Variants in PRELID2 observed in about 807,000 individuals in gnomAD.
The protein encoded by PRELID2 is PRELI domain-containing protein 2.
A neutral mutation model predicts 28.4 loss-of-function variants in PRELID2; 25 were observed. The observed-to-expected ratio is 0.88, with a 90% CI of 0.64 to 1.23. The LOEUF is 1.23. Ranked by LOEUF, PRELID2 falls within the 50% of genes most tolerant of loss-of-function variation. The pLI is 0.00. For synonymous variants in PRELID2, 76 were observed against 71.6 expected (o/e 1.06, Z -0.31); for missense variants, 201 against 214.4 (o/e 0.94, Z 0.39).
At chr5:145,417,036 G>C in the PRELID2 span, among the ~76,000 whole-genome samples, 5 of 151,852 alleles carry the variant, frequency 3.3e-5, no homozygotes, top group Non-Finnish European at 7.4e-5. Flanking sequence ...AAGAAGAGAA[G>C]AGATAAATAG....
chr5:145,543,212 C>G (rs1429758419), intron 1 of PRELID2, among the ~76,000 whole-genome samples: 1 of 152,110 alleles, frequency 6.6e-6, no homozygotes, highest in Non-Finnish European at 1.5e-5. Flanking sequence ...CTAGGATGTA[C>G]TCTCCATGAG....
the PRELID2 span, among the ~76,000 whole-genome samples, chr5:145,323,605 C>T: frequency 6.6e-6 from 1 of 152,162 alleles, no homozygotes; most frequent in South Asian, 2.1e-4. Context: ...TTTCAATCAT[C>T]ATCCTCCTTG....
At chr5:145,373,249 T>G in the PRELID2 span, among the ~76,000 whole-genome samples, 1 of 86,858 alleles carries the variant, frequency 1.2e-5, no homozygotes, top group Non-Finnish European at 2.0e-5. Context: ...ATATATATGA[T>G]ATATATTACA....
At chr5:145,737,265 C>T (rs951525949) in intron 1 of PRELID2, among the ~76,000 whole-genome samples, 1 of 151,898 alleles carries the variant, frequency 6.6e-6, no homozygotes, top group African/African-American at 2.4e-5. Context: ...TAACAGGGGA[C>T]CCAGACTCGT....
intron 1 of PRELID2, among the ~76,000 whole-genome samples, chr5:145,741,959 T>A (rs1756808023): frequency 1.5e-4 from 1 of 6,552 alleles, no homozygotes; most frequent in Non-Finnish European, 8.9e-4. Flanking sequence ...TTATTATAAT[T>A]AAATAAATAA....
intron 1 of PRELID2, among the ~76,000 whole-genome samples, chr5:145,715,614 T>G (rs1039456136): frequency 7.2e-5 from 11 of 152,178 alleles, no homozygotes; most frequent in African/African-American, 2.7e-4. Flanking sequence ...GCCTGTCTTC[T>G]TCTCTGACCT....
intron 1 of PRELID2, among the ~76,000 whole-genome samples, chr5:145,645,187 A>G (rs1415597533): frequency 6.6e-6 from 1 of 152,004 alleles, no homozygotes; most frequent in Non-Finnish European, 1.5e-5. Context: ...TGCTTTATGA[A>G]TCTGGGTGCA....
At chr5:145,810,634 T>A (rs187812566) in intron 4 of PRELID2, among the ~76,000 whole-genome samples, 82 of 152,332 alleles carry the variant, frequency 5.4e-4, no homozygotes, top group Non-Finnish European at 8.4e-4. Flanking sequence ...AAATACATTC[T>A]GAGAATTAGA....
chr5:145,247,555 C>G, the PRELID2 span, among the ~76,000 whole-genome samples: 2 of 152,226 alleles, frequency 1.3e-5, no homozygotes, highest in South Asian at 2.1e-4. Flanking sequence ...CTACATTACT[C>G]AAAGGTTGCT....
the PRELID2 span, among the ~76,000 whole-genome samples, chr5:145,350,646 G>A: frequency 6.6e-6 from 1 of 152,034 alleles, no homozygotes; most frequent in Non-Finnish European, 1.5e-5. Context: ...AAATATACAT[G>A]TCCACAGGTA....
intron 5 of PRELID2, among the ~76,000 whole-genome samples, chr5:145,788,326 C>T (rs191421431): frequency 2.6e-5 from 4 of 152,330 alleles, no homozygotes; most frequent in African/African-American, 9.6e-5. Flanking sequence ...TAAGCAAATA[C>T]TTGTCTTCAG....
At chr5:145,244,345 C>A in the PRELID2 span, among the ~76,000 whole-genome samples, 4 of 152,040 alleles carry the variant, frequency 2.6e-5, no homozygotes, top group African/African-American at 7.2e-5. Flanking sequence ...GGACACAGAC[C>A]ACTTGTACTC....
chr5:145,404,781 TG>T, the PRELID2 span, among the ~76,000 whole-genome samples: 15 of 152,242 alleles, frequency 9.9e-5, no homozygotes, highest in Non-Finnish European at 2.1e-4. Flanking sequence ...CAGTTTAAAG[TG>T]AGAAACCTAA....
At chr5:145,481,623 C>CAAAAAAATAAAAAAA (rs1752160310) in intron 1 of PRELID2, among the ~76,000 whole-genome samples, 1 of 41,862 alleles carries the variant, frequency 2.4e-5, no homozygotes, top group Non-Finnish European at 3.8e-5. Flanking sequence ...GCAAGGAAAT[C>CAAAAAAATAAAAAAA]AAAAAAAAAA....
chr5:145,408,717 T>A, the PRELID2 span, among the ~76,000 whole-genome samples: 1 of 152,042 alleles, frequency 6.6e-6, no homozygotes, highest in African/African-American at 2.4e-5. Context: ...AAATTTGGGA[T>A]TATGTTTAAC....
chr5:145,645,689 G>T (rs2149667217), intron 1 of PRELID2, among the ~76,000 whole-genome samples: 1 of 152,204 alleles, frequency 6.6e-6, no homozygotes, highest in Middle Eastern at 3.4e-3. Context: ...TCCTTTCCAT[G>T]TTTAGTGCTT....
At chr5:145,669,155 G>A (rs10515556) in intron 1 of PRELID2, among the ~76,000 whole-genome samples, 9,726 of 152,112 alleles carry the variant, frequency 0.064, 1,044 homozygotes, top group African/African-American at 0.22. Context: ...TAATTGGGCC[G>A]CATGGAGGCA....
the PRELID2 span, among the ~76,000 whole-genome samples, chr5:145,367,841 C>T: frequency 7.2e-6 from 1 of 137,950 alleles, no homozygotes; most frequent in Non-Finnish European, 1.6e-5. Context: ...TTTTATCTAT[C>T]CACTCACCTG....
intron 1 of PRELID2, among the ~76,000 whole-genome samples, chr5:145,703,044 A>G (rs1755449196): frequency 6.6e-6 from 1 of 152,240 alleles, no homozygotes; most frequent in African/African-American, 2.4e-5. Flanking sequence ...GCAAACAGAA[A>G]GCTGGGTCCA....
Sources: gnomAD v4.1 joint callset for allele counts (sites outside exome capture counted in the v4.1 genomes callset) on GRCh38, gnomAD v4.1.1 for gene constraint, MANE v1.5 for transcripts, NCBI Gene and HGNC (gene_info 2026-07-23, HGNC 2026-07-21) for gene names.